SPATS2: variants seen among roughly 807,000 people sequenced by gnomAD.
SPATS2 encodes the protein spermatogenesis-associated serine-rich protein 2.
Under a neutral mutation model 63.7 loss-of-function variants are expected in SPATS2, and 38 were observed. That is an observed-to-expected ratio of 0.60 (90% confidence interval 0.46 to 0.78). The LOEUF is 0.78. Among genes scored for constraint, SPATS2 ranks in the 30% least tolerant of loss-of-function variants. The pLI, the probability that SPATS2 is intolerant of heterozygous loss-of-function variation, is 0.00. For missense variants in SPATS2, 588 were observed against 666.2 expected, an observed-to-expected ratio of 0.88 and a Z score of 1.29; for synonymous variants, 207 against 232.9, an observed-to-expected ratio of 0.89 and a Z score of 1.01.
chr12:49,437,674 C>T lies in SPATS2; in HGVS notation c.-243-23096C>T, dbSNP rs533991481. ...AAACCCCGTCTCCACCAAAAAAATACGAAAACCAGTCAGGCATGGCGGCGC... is the reference window on the plus strand; with the variant it reads ...AAACCCCGTCTCCACCAAAAAAATATGAAAACCAGTCAGGCATGGCGGCGC... On this transcript the variant is annotated intron_variant, in intron 2 of 13. Transcript: ENST00000552918. Among the ~76,000 whole-genome samples, 67 of 152,338 alleles carry T rather than the reference C, an allele frequency of 4.4e-4. No individual in the cohort carries two copies. In the Middle Eastern group the frequency reaches 0.01, roughly 23 times the overall value.
chr12:49,433,167 T>G (rs1196973340), intron 2 of SPATS2, among the ~76,000 whole-genome samples: 5 of 152,134 alleles, frequency 3.3e-5, no homozygotes, highest in African/African-American at 1.2e-4. Context: ...GTGTCTTGTT[T>G]TGTTTTGTTT....
At chr12:49,444,220 T>G (rs926978103) in intron 2 of SPATS2, among the ~76,000 whole-genome samples, 7 of 151,852 alleles carry the variant, frequency 4.6e-5, no homozygotes, top group African/African-American at 1.7e-4. Context: ...GTTGTTGTTT[T>G]TTTTTTTTTA....
rs1205001975 is a variant in SPATS2, at chr12:49,469,724, C to T, written c.25+8687C>T. On this transcript the variant is annotated intron_variant, in intron 3 of 13. Coordinates refer to ENST00000552918, the MANE Select transcript of SPATS2 (RefSeq NM_023071.4). ...TGGCCAACATGGTGAAACCCCATCT[C>T]TGTTAAAATACAAATTAGCTGAGCG... is the stretch of plus-strand genomic sequence containing the variant. Among the ~76,000 whole-genome samples the T allele has an allele frequency of 2.6e-5, 4 of 151,636 alleles. No individual in the cohort carries two copies. In the East Asian group the frequency reaches 5.9e-4, roughly 22 times the overall value.
chr12:49,513,303 A>G (rs555622766), intron 9 of SPATS2, among the ~76,000 whole-genome samples: 1 of 152,286 alleles, frequency 6.6e-6, no homozygotes, highest in Non-Finnish European at 1.5e-5. Flanking sequence ...ATTCCCCTTC[A>G]AAAGGAGAAA....
At chr12:49,414,232 G>A in intron 2 of SPATS2, among the ~76,000 whole-genome samples, 1 of 152,104 alleles carries the variant, frequency 6.6e-6, no homozygotes, top group East Asian at 1.9e-4. Flanking sequence ...GAGTTTTAAT[G>A]TATTAGATAA....
intron 2 of SPATS2, among the ~76,000 whole-genome samples, chr12:49,379,500 G>A (rs1303443069): frequency 1.0e-4 from 14 of 136,814 alleles, no homozygotes; most frequent in South Asian, 4.8e-4. Flanking sequence ...GCAATGAGCC[G>A]CGATCACGCC....
In SPATS2 at chr12:49,428,750, A is replaced by G. The variant is rs146785030; in HGVS notation, c.-243-32020A>G. Among the ~76,000 whole-genome samples the G allele has an allele frequency of 3.1e-3, 472 of 152,306 alleles. 1 individual carries two copies. The highest frequency in any genetic ancestry group is 0.01 in the Middle Eastern group (3 of 294). On this transcript the variant is annotated intron_variant, in intron 2 of 13. Coordinates refer to ENST00000552918, the MANE Select transcript of SPATS2 (RefSeq NM_023071.4). Reference sequence around the variant, plus strand: ...AAGGTTTTTAGAAATTGCTTTTTCTATATGCTTGGAATCTCCCTTTATGGG... The same window carrying G: ...AAGGTTTTTAGAAATTGCTTTTTCTGTATGCTTGGAATCTCCCTTTATGGG...
At chr12:49,423,184 G>GT (rs1945013821) in intron 2 of SPATS2, among the ~76,000 whole-genome samples, 1 of 151,630 alleles carries the variant, frequency 6.6e-6, no homozygotes, top group Non-Finnish European at 1.5e-5. Context: ...CCAGGCTGGA[G>GT]TGCAGTGGTG....
intron 9 of SPATS2, among the ~76,000 whole-genome samples, chr12:49,500,539 G>A (rs771350151): frequency 1.9e-4 from 29 of 152,154 alleles, no homozygotes; most frequent in Non-Finnish European, 3.1e-4. Flanking sequence ...TTGGGAGGCC[G>A]AGGTGGGCGG....
At chr12:49,517,620 G>T (rs891924600) in intron 10 of SPATS2, among the ~76,000 whole-genome samples, 4 of 152,138 alleles carry the variant, frequency 2.6e-5, no homozygotes, top group African/African-American at 9.7e-5. Flanking sequence ...AGGATCTTCT[G>T]TTCTTCTGCC....
At chr12:49,476,528 A>G (rs1047110598) in intron 3 of SPATS2, among the ~76,000 whole-genome samples, 1 of 152,176 alleles carries the variant, frequency 6.6e-6, no homozygotes, top group Non-Finnish European at 1.5e-5. Flanking sequence ...CAAGCTGCCT[A>G]TGGATGGTAG....
At chr12:49,490,659 T>A (rs773864547) in intron 5 of SPATS2, 23 bp from the exon 6 acceptor site, 2 of 1,612,420 alleles carry the variant, frequency 1.2e-6, no homozygotes, top group South Asian at 2.2e-5. Flanking sequence ...GGAGACAAAA[T>A]CTGTAATTGG....
intron 3 of SPATS2, among the ~76,000 whole-genome samples, chr12:49,467,690 C>T (rs1194665015): frequency 1.3e-5 from 2 of 152,106 alleles, no homozygotes; most frequent in African/African-American, 2.4e-5. Context: ...GGGGATGGTA[C>T]ACTAGACTCT....
chr12:49,525,888 C>T (rs919906234), intron 13 of SPATS2, 56 bp from the exon 14 acceptor site: 28 of 1,557,798 alleles, frequency 1.8e-5, no homozygotes, highest in Admixed American at 3.7e-5. Flanking sequence ...GTAAAGTGAA[C>T]GAATGGGGTA....
intron 2 of SPATS2, among the ~76,000 whole-genome samples, chr12:49,379,794 T>C (rs975788470): frequency 1.3e-5 from 2 of 151,828 alleles, no homozygotes; most frequent in African/African-American, 4.8e-5. Flanking sequence ...GACTAATTTT[T>C]GTATTTTTAG....
At chr12:49,469,557 A>T (rs113507651) in intron 3 of SPATS2, 1 of 430,892 alleles carries the variant, frequency 2.3e-6, no homozygotes, top group African/African-American at 2.1e-5. Context: ...AAAAAAAAAA[A>T]AAAAAAAGAA....
At chr12:49,469,542 T>TCAAAAAAAAAAAA in intron 3 of SPATS2, 1 of 318,408 alleles carries the variant, frequency 3.1e-6, no homozygotes, top group Non-Finnish European at 5.9e-6. Flanking sequence ...GCTGGGTCTC[T>TCAAAAAAAAAAAA]AAAAAAAAAA....
intron 2 of SPATS2, among the ~76,000 whole-genome samples, chr12:49,387,950 A>ATTTATTTT (rs1944349422): frequency 6.6e-6 from 1 of 151,948 alleles, no homozygotes. Context: ...TGCTTTAAGT[A>ATTTATTTT]TTTATTTTTT....
At chr12:49,408,512 C>A (rs996065961) in intron 2 of SPATS2, among the ~76,000 whole-genome samples, 3 of 150,714 alleles carry the variant, frequency 2.0e-5, no homozygotes, top group Admixed American at 1.3e-4. Context: ...CTTGGCCTCC[C>A]AAAGTGCTGA....
Sources: gnomAD v4.1 joint callset for allele counts (sites outside exome capture counted in the v4.1 genomes callset) on GRCh38, gnomAD v4.1.1 for gene constraint, MANE v1.5 for transcripts, NCBI Gene and HGNC (gene_info 2026-07-23, HGNC 2026-07-21) for gene names.